SP140L: variants seen among roughly 807,000 people sequenced by gnomAD.
SP140L encodes the protein SP140 like nuclear body protein, also known as nuclear body protein SP140-like protein.
SP140L carries 64 observed loss-of-function variants against 84.3 expected under a neutral mutation model. The observed-to-expected ratio is 0.76, with a 90% confidence interval of 0.62 to 0.94. SP140L has a LOEUF of 0.94. Ranked by LOEUF, SP140L falls within the 40% of genes least tolerant of loss-of-function variation. SP140L has a pLI of 0.00. For synonymous variants in SP140L, 242 were observed against 236.9 expected (o/e 1.02, Z -0.20); for missense variants, 628 against 692.5 (o/e 0.91, Z 1.05).
chr2:230,357,494 A>T (rs907070671), intron 2 of SP140L, among the ~76,000 whole-genome samples: 43 of 152,152 alleles, frequency 2.8e-4, no homozygotes, highest in Non-Finnish European at 8.8e-5. Context: ...TAGATTCTGT[A>T]GGAATTCAAT....
intron 2 of SP140L, among the ~76,000 whole-genome samples, chr2:230,339,411 C>T (rs868069214): frequency 0.032 from 4,784 of 151,192 alleles, 178 homozygotes; most frequent in African/African-American, 0.11. Flanking sequence ...GTCTTGCTAG[C>T]GGTCTATCAA....
At chr2:230,339,198 T>C (rs1401956853) in intron 2 of SP140L, among the ~76,000 whole-genome samples, 1 of 152,070 alleles carries the variant, frequency 6.6e-6, no homozygotes, top group Non-Finnish European at 1.5e-5. Flanking sequence ...TATTCAGAGA[T>C]TCAACTTCTT....
intron 7 of SP140L, among the ~76,000 whole-genome samples, chr2:230,381,759 CAT>C (rs1244964066): frequency 1.6e-4 from 21 of 134,478 alleles, no homozygotes; most frequent in East Asian, 4.3e-4. Context: ...CACACACACA[CAT>C]TTCATAAACC....
chr2:230,387,530 T>C (rs1366783849), intron 9 of SP140L, among the ~76,000 whole-genome samples: 1 of 152,172 alleles, frequency 6.6e-6, no homozygotes, highest in Non-Finnish European at 1.5e-5. Flanking sequence ...CCTAATATGC[T>C]CATAATATGC....
Position 230,383,416 on chromosome 2 carries a change from A to T in SP140L, c.638-94A>T, listed in dbSNP as rs983043729. ...ATTTTGCCCCATTCCTGTGGACCAA[A>T]GTATGAAAAAATCTTGTATACTACT... On this transcript the variant is annotated intron_variant, in intron 7 of 18. Transcript: ENST00000415673. 4.4e-6 allele frequency: 6 copies of T among 1,355,132 alleles called. No individual in the cohort carries two copies. In the African/African-American group the frequency reaches 8.9e-5, roughly 20 times the overall value. 83.9% of individuals were successfully genotyped at this position (1,355,132 alleles called of 1,614,324 possible).
At chr2:230,334,470 G>A (rs764936735) in intron 2 of SP140L, among the ~76,000 whole-genome samples, 27 of 152,146 alleles carry the variant, frequency 1.8e-4, no homozygotes, top group Admixed American at 4.6e-4. Flanking sequence ...TGTTCAACCC[G>A]CCAGGCTTAA....
chr2:230,361,375 C>T (rs976880971), intron 4 of SP140L, among the ~76,000 whole-genome samples: 2 of 152,180 alleles, frequency 1.3e-5, no homozygotes, highest in Non-Finnish European at 2.9e-5. Flanking sequence ...GCGGGTAACA[C>T]AGCTCACTAT....
At chr2:230,343,144 T>G (rs1053223541) in intron 2 of SP140L, among the ~76,000 whole-genome samples, 1 of 149,110 alleles carries the variant, frequency 6.7e-6, no homozygotes, top group Non-Finnish European at 1.5e-5. Context: ...GTTTGTTACA[T>G]AGGTAAACAT....
chr2:230,400,035 T>A, intron 14 of SP140L, 92 bp from the exon 15 acceptor site: 2 of 1,331,814 alleles, frequency 1.5e-6, no homozygotes, highest in Non-Finnish European at 2.1e-6. Flanking sequence ...CTATACAGGC[T>A]CACACATAAG....
In SP140L at chr2:230,403,211, T is replaced by A. The variant is rs1468946725; in HGVS notation, c.*315T>A. Reference sequence around the variant, plus strand: ...TTACTCACAAGACCTTTTTCCTCCGTTTTTTTTTTGAGATGGAGTCTCACA... The same window carrying A: ...TTACTCACAAGACCTTTTTCCTCCGATTTTTTTTTGAGATGGAGTCTCACA... On this transcript the variant is annotated 3_prime_UTR_variant, in exon 19 of 19. Transcript: ENST00000415673. 1.4e-3 allele frequency: 259 copies of A among 188,740 alleles called. No individual in the cohort carries two copies. Among genetic ancestry groups the A allele is most frequent in the Middle Eastern group, 3.9e-3 (2 of 518 alleles). 11.7% of individuals were successfully genotyped at this position (188,740 alleles called of 1,614,324 possible). A position where few individuals can be genotyped will look rare whatever the true frequency, so the allele number is the denominator to read the frequency against.
chr2:230,354,887 AAG>A (rs1491149922), intron 2 of SP140L, among the ~76,000 whole-genome samples: 1 of 150,330 alleles, frequency 6.7e-6, no homozygotes, highest in Non-Finnish European at 1.5e-5. Flanking sequence ...GAAAGAAAGA[AAG>A]AAAGAAAGGA....
At chr2:230,346,624 CT>C (rs1355078672) in intron 2 of SP140L, among the ~76,000 whole-genome samples, 1 of 152,106 alleles carries the variant, frequency 6.6e-6, no homozygotes, top group Non-Finnish European at 1.5e-5. Flanking sequence ...AATGACTTCT[CT>C]TTCAGTTCAC....
At chr2:230,380,197 T>C (rs1351562028) in intron 7 of SP140L, among the ~76,000 whole-genome samples, 2 of 151,598 alleles carry the variant, frequency 1.3e-5, no homozygotes, top group African/African-American at 2.4e-5. Context: ...GTGAAAGGGG[T>C]TTCCTTTATA....
intron 2 of SP140L, among the ~76,000 whole-genome samples, chr2:230,335,484 A>G (rs1016498858): frequency 4.6e-5 from 7 of 152,226 alleles, no homozygotes; most frequent in Admixed American, 1.3e-4. Flanking sequence ...AAAATTTCTC[A>G]GTGGAACGAG....
At chr2:230,360,342 GTTTA>G (rs1192682543) in intron 4 of SP140L, among the ~76,000 whole-genome samples, 2 of 152,092 alleles carry the variant, frequency 1.3e-5, no homozygotes, top group African/African-American at 4.8e-5. Context: ...GGAATTTGAA[GTTTA>G]TTTACTAGGC....
At chr2:230,367,349 G>A (rs2060918751) in intron 5 of SP140L, among the ~76,000 whole-genome samples, 1 of 137,330 alleles carries the variant, frequency 7.3e-6, no homozygotes, top group South Asian at 2.3e-4. Context: ...CTGGAGTGCA[G>A]GGGCATTATT....
intron 4 of SP140L, among the ~76,000 whole-genome samples, chr2:230,359,575 A>T (rs149440629): frequency 1.3e-5 from 2 of 152,182 alleles, no homozygotes; most frequent in Non-Finnish European, 2.9e-5. Flanking sequence ...ATCTCTTGTA[A>T]CAACCCCATA....
chr2:230,393,562 G>A (rs2061917383), intron 13 of SP140L, 101 bp downstream of exon 13: 1 of 1,322,414 alleles, frequency 7.6e-7, no homozygotes, highest in East Asian at 2.9e-5. Flanking sequence ...CTATAATTAA[G>A]CTTTCACCTT....
At chr2:230,358,330 A>G (rs1357609182) in intron 3 of SP140L, among the ~76,000 whole-genome samples, 13 of 152,194 alleles carry the variant, frequency 8.5e-5, no homozygotes, top group African/African-American at 2.9e-4. Flanking sequence ...GAACATTAAA[A>G]CCCACAGGGA....
Sources: gnomAD v4.1 joint callset for allele counts (sites outside exome capture counted in the v4.1 genomes callset) on GRCh38, gnomAD v4.1.1 for gene constraint, MANE v1.5 for transcripts, NCBI Gene and HGNC (gene_info 2026-07-23, HGNC 2026-07-21) for gene names.